Variants in BNC2 observed in about 807,000 individuals in gnomAD.
BNC2 encodes basonuclin zinc finger protein 2.
BNC2 carries 20 observed loss-of-function variants against 76.3 expected under a neutral mutation model. The ratio of observed to expected loss-of-function variants is 0.26; its 90% CI spans 0.18 to 0.38. BNC2 has a LOEUF of 0.38. BNC2 is among the 10% of genes least tolerant of loss of function. The pLI, the probability that BNC2 is intolerant of heterozygous loss-of-function variation, is 1.00. For missense variants in BNC2, 1,382 were observed against 1,399.8 expected, an observed-to-expected ratio of 0.99 and a Z score of 0.20; for synonymous variants, 582 against 514.8, an observed-to-expected ratio of 1.13 and a Z score of -1.77.
At chr9:16,569,113 T>A (rs114628165) in intron 4 of BNC2, among the ~76,000 whole-genome samples, 12,195 of 151,740 alleles carry the variant, frequency 0.08, 1,313 homozygotes, top group African/African-American at 0.24. Context: ...AAAGGGTTTT[T>A]TTTTTTTTCT....
chr9:16,413,237 T>TTAGA lies in BNC2; in HGVS notation c.*5748_*5751dup, dbSNP rs1297240395. On this transcript the variant is annotated 3_prime_UTR_variant, in exon 7 of 7. Coordinates refer to ENST00000380672, the MANE Select transcript of BNC2 (RefSeq NM_017637.6). ...GGTCAAATGAATTTACAACAGCACT[T>TTAGA]TAGAGGAGAAGAATAAAGATAGTTT... 1 of 152,158 alleles carries TTAGA rather than the reference T, an allele frequency of 6.6e-6. No homozygotes were observed. Among genetic ancestry groups the TTAGA allele is most frequent in the Non-Finnish European group, 1.5e-5 (1 of 68,038 alleles). 9.4% of individuals were successfully genotyped at this position (152,158 alleles called of 1,614,324 possible). A position where few individuals can be genotyped will look rare whatever the true frequency, so the allele number is the denominator to read the frequency against.
At chr9:16,559,440 C>T (rs556434831) in intron 4 of BNC2, among the ~76,000 whole-genome samples, 8 of 152,290 alleles carry the variant, frequency 5.3e-5, no homozygotes, top group Admixed American at 2.0e-4. Context: ...AGCATACAAA[C>T]ACAGTATTAT....
intron 3 of BNC2, among the ~76,000 whole-genome samples, chr9:16,711,841 G>T (rs1263290360): frequency 6.6e-6 from 1 of 152,168 alleles, no homozygotes; most frequent in African/African-American, 2.4e-5. Context: ...GCAAATTAAA[G>T]GTATTTCTCT....
At chr9:16,461,798 G>C (rs1485134643) in intron 5 of BNC2, among the ~76,000 whole-genome samples, 1 of 152,184 alleles carries the variant, frequency 6.6e-6, no homozygotes, top group Non-Finnish European at 1.5e-5. Flanking sequence ...CAACCTTCTT[G>C]TGAATTTATT....
chr9:16,556,850 G>A (rs1449036262), intron 4 of BNC2, among the ~76,000 whole-genome samples: 5 of 151,594 alleles, frequency 3.3e-5, no homozygotes, highest in Non-Finnish European at 5.9e-5. Context: ...CAAATTTCTT[G>A]AATATATCAA....
chr9:16,604,178 A>C (rs1820317296), intron 3 of BNC2, among the ~76,000 whole-genome samples: 1 of 152,176 alleles, frequency 6.6e-6, no homozygotes, highest in Non-Finnish European at 1.5e-5. Context: ...GTACAATACA[A>C]ACCAATACAA....
intron 3 of BNC2, among the ~76,000 whole-genome samples, chr9:16,710,567 G>C (rs887715580): frequency 1.3e-5 from 2 of 152,178 alleles, no homozygotes; most frequent in African/African-American, 4.8e-5. Context: ...TGTGTTTGCA[G>C]TGGGAATTAT....
chr9:16,590,811 A>C (rs544436837), intron 3 of BNC2, among the ~76,000 whole-genome samples: 5 of 152,132 alleles, frequency 3.3e-5, no homozygotes, highest in Non-Finnish European at 5.9e-5. Context: ...TTCATCTCAC[A>C]CACACACACA....
intron 5 of BNC2, among the ~76,000 whole-genome samples, chr9:16,524,574 T>C (rs966096167): frequency 6.6e-6 from 1 of 152,166 alleles, no homozygotes; most frequent in Admixed American, 6.5e-5. Context: ...AATTAGTCTA[T>C]TTGCTAAATA....
chr9:16,679,179 T>G (rs949677259), intron 3 of BNC2, among the ~76,000 whole-genome samples: 2 of 152,164 alleles, frequency 1.3e-5, no homozygotes, highest in Non-Finnish European at 2.9e-5. Context: ...CCCACCTCAC[T>G]GCACCTTTAC....
chr9:16,587,916 A>G (rs924402318), intron 3 of BNC2, among the ~76,000 whole-genome samples: 1 of 152,210 alleles, frequency 6.6e-6, no homozygotes. Context: ...TTGATCTGTC[A>G]TAATGCTTAG....
At chr9:16,441,988 A>G (rs918569779) in intron 5 of BNC2, among the ~76,000 whole-genome samples, 1 of 152,212 alleles carries the variant, frequency 6.6e-6, no homozygotes, top group African/African-American at 2.4e-5. Flanking sequence ...ATGCATGAAT[A>G]ATATGTTAAC....
intron 6 of BNC2, 76 bp downstream of exon 6, chr9:16,435,479 T>C: frequency 1.3e-6 from 2 of 1,525,600 alleles, no homozygotes; most frequent in South Asian, 2.2e-5. Flanking sequence ...TGGATTTCTT[T>C]TAGTGTGAAG....
At chr9:16,602,149 T>C (rs965834733) in intron 3 of BNC2, among the ~76,000 whole-genome samples, 2 of 152,218 alleles carry the variant, frequency 1.3e-5, no homozygotes, top group African/African-American at 4.8e-5. Flanking sequence ...GCCTAATTTA[T>C]GGTAATTGTA....
intron 1 of BNC2, among the ~76,000 whole-genome samples, chr9:16,760,272 A>T (rs2135375303): frequency 6.6e-6 from 1 of 152,320 alleles, no homozygotes; most frequent in East Asian, 1.9e-4. Flanking sequence ...CAACTCTCAG[A>T]AAAATGTACC....
intron 3 of BNC2, among the ~76,000 whole-genome samples, chr9:16,637,528 C>A (rs541010755): frequency 6.6e-6 from 1 of 152,168 alleles, no homozygotes; most frequent in Admixed American, 6.6e-5. Context: ...TAAATCACAA[C>A]AGTATATAAT....
At chr9:16,470,012 T>C (rs868432394) in intron 5 of BNC2, among the ~76,000 whole-genome samples, 66 of 148,178 alleles carry the variant, frequency 4.5e-4, no homozygotes, top group African/African-American at 1.6e-3. Context: ...TTTTTTTTTT[T>C]TTTGAGATGG....
intron 1 of BNC2, among the ~76,000 whole-genome samples, chr9:16,772,337 G>GT (rs796744478): frequency 2.6e-4 from 39 of 150,994 alleles, no homozygotes; most frequent in Admixed American, 1.5e-3. Context: ...TGTCATGAGT[G>GT]TTTTTTTTTA....
intron 1 of BNC2, among the ~76,000 whole-genome samples, chr9:16,853,229 C>T (rs527333648): frequency 6.6e-6 from 1 of 152,024 alleles, no homozygotes; most frequent in East Asian, 2.0e-4. Context: ...ACCAGCCTGG[C>T]CAGCATGGCA....
Sources: gnomAD v4.1 joint callset for allele counts (sites outside exome capture counted in the v4.1 genomes callset) on GRCh38, gnomAD v4.1.1 for gene constraint, MANE v1.5 for transcripts, NCBI Gene and HGNC (gene_info 2026-07-23, HGNC 2026-07-21) for gene names.